Variants in PDE1C observed in about 807,000 individuals in gnomAD.
PDE1C encodes the protein dual specificity calcium/calmodulin-dependent 3',5'-cyclic nucleotide phosphodiesterase 1C.
In PDE1C, 62 loss-of-function variants were observed where a neutral mutation model predicts 93.1. The ratio of observed to expected loss-of-function variants is 0.67; its 90% CI spans 0.54 to 0.82. The LOEUF (loss-of-function observed/expected upper bound fraction) is 0.82, where lower values mean the gene tolerates loss of function less well. Among genes scored for constraint, PDE1C ranks in the 40% least tolerant of loss-of-function variants. PDE1C has a pLI of 0.00. For missense variants in PDE1C, 742 were observed against 884.6 expected (o/e 0.84, Z 2.04); for synonymous variants, 325 against 310.1 (o/e 1.05, Z -0.50).
the PDE1C span, among the ~76,000 whole-genome samples, chr7:31,689,662 A>G: frequency 3.9e-5 from 6 of 152,154 alleles, no homozygotes; most frequent in Non-Finnish European, 7.3e-5. Context: ...AGATGGGGTC[A>G]TTATACTAAC....
chr7:32,309,906 CT>C (rs1813127311), intron 1 of PDE1C, among the ~76,000 whole-genome samples: 1 of 152,162 alleles, frequency 6.6e-6, no homozygotes, highest in African/African-American at 2.4e-5. Context: ...ACAATGTTAA[CT>C]TTAAATGTAA....
intron 9 of PDE1C, 27 bp downstream of exon 9, chr7:31,847,941 C>T (rs753947264): frequency 2.5e-6 from 4 of 1,611,002 alleles, no homozygotes; most frequent in Non-Finnish European, 3.4e-6. Context: ...CCCTGGCCTA[C>T]AAATCTCTCT....
At chr7:31,790,228 T>C (rs933795938) in intron 16 of PDE1C, 2 of 1,612,722 alleles carry the variant, frequency 1.2e-6, no homozygotes, top group South Asian at 1.1e-5. Context: ...GCCTCTTTTA[T>C]TGTCTATGAG....
chr7:31,915,339 C>G (rs949599648), intron 2 of PDE1C, among the ~76,000 whole-genome samples: 33 of 152,164 alleles, frequency 2.2e-4, no homozygotes, highest in Non-Finnish European at 7.4e-5. Flanking sequence ...CAAGGCTCAG[C>G]TTATGCATCA....
rs2128940264 is a variant in PDE1C, at chr7:31,912,233, T to C, written c.129-31373A>G. 1.3e-5 allele frequency among the ~76,000 whole-genome samples: 2 copies of C among 152,296 alleles called. 1 individual carries two copies. The highest frequency in any genetic ancestry group is 4.1e-4 in the South Asian group (2 of 4,830). On this transcript the variant is annotated intron_variant, in intron 2 of 17. Transcript: ENST00000396191. ...ATTCTACTTCAAATCAAGTTAACCT[T>C]ACAATCTCACAGTTTTATTGTCATA...
At chr7:31,938,379 G>A (rs1240695932) in intron 2 of PDE1C, among the ~76,000 whole-genome samples, 1 of 127,288 alleles carries the variant, frequency 7.9e-6, no homozygotes, top group Non-Finnish European at 1.6e-5. Flanking sequence ...CTTTTATCTT[G>A]TAAAGTATCT....
chr7:31,773,320 G>C (rs1795622360), intron 17 of PDE1C, among the ~76,000 whole-genome samples: 1 of 152,096 alleles, frequency 6.6e-6, no homozygotes, highest in South Asian at 2.1e-4. Flanking sequence ...CAAGGTAGCT[G>C]TGATTCTGAG....
At chr7:32,037,752 T>C (rs919733127) in intron 2 of PDE1C, among the ~76,000 whole-genome samples, 1 of 152,184 alleles carries the variant, frequency 6.6e-6, no homozygotes, top group Admixed American at 6.5e-5. Context: ...ATTAGCTCCT[T>C]GAGGGCAGAA....
chr7:32,230,972 C>A (rs1432340347), intron 1 of PDE1C, among the ~76,000 whole-genome samples: 7 of 152,110 alleles, frequency 4.6e-5, no homozygotes, highest in Non-Finnish European at 1.0e-4. Context: ...ACCAGCTTAC[C>A]ACCCCACAGG....
chr7:31,625,819 CT>C, the PDE1C span, among the ~76,000 whole-genome samples: 21 of 149,900 alleles, frequency 1.4e-4, 1 homozygote, highest in African/African-American at 2.5e-4. Context: ...CTTAGAATGT[CT>C]TTTTTTTTAA....
At position 32,137,812 on chromosome 7, in the gene PDE1C, C is replaced by T. The variant is rs1008942222; in HGVS notation, c.308+31973G>A. 1.1e-4 allele frequency among the ~76,000 whole-genome samples: 16 copies of T among 152,254 alleles called. 5 individuals carry two copies. The highest frequency in any genetic ancestry group is 6.5e-5 in the Admixed American group (1 of 15,298). On this transcript the variant is annotated intron_variant, in intron 3 of 18. Coordinates refer to the PDE1C transcript ENST00000396193. The stretch of plus-strand genomic sequence containing the variant: ...ATTCCCCATCCCCTCCTCCTTCCCT[C>T]CAATTCTCTTTGACATCATCCCAGT...
At position 32,262,030 on chromosome 7, in the gene PDE1C, TTA is replaced by T. The variant is rs1491222607; in HGVS notation, c.85+36619_85+36620del. Reference sequence around the variant, plus strand: ...ATTTTTTTTTTTTTTTTTTTTTTTTTTAATGTGACATCTAGTGGCTGGTGAAA... The same window carrying T: ...ATTTTTTTTTTTTTTTTTTTTTTTTTATGTGACATCTAGTGGCTGGTGAAA... On this transcript the variant is annotated intron_variant, in intron 1 of 18. Coordinates refer to the PDE1C transcript ENST00000396193. 8.3e-4 allele frequency among the ~76,000 whole-genome samples: 119 copies of T among 144,128 alleles called. 1 individual carries two copies. The highest frequency in any genetic ancestry group is 2.9e-3 in the African/African-American group (112 of 38,634). The allele number at this position is 144,128 out of a possible 152,430, so 94.6% of individuals were successfully genotyped here. A position where few individuals can be genotyped will look rare whatever the true frequency, so the allele number is the denominator to read the frequency against.
intron 1 of PDE1C, among the ~76,000 whole-genome samples, chr7:32,261,987 A>G (rs1810236497): frequency 6.8e-6 from 1 of 146,622 alleles, no homozygotes. Context: ...GATGGCTCAC[A>G]CCAGGGGTTG....
chr7:31,679,927 C>T, the PDE1C span, among the ~76,000 whole-genome samples: 2 of 152,162 alleles, frequency 1.3e-5, no homozygotes, highest in African/African-American at 2.4e-5. Context: ...ATTCTAATAG[C>T]TTAGCTGGAA....
intron 1 of PDE1C, among the ~76,000 whole-genome samples, chr7:32,287,580 T>C (rs1468843575): frequency 6.6e-6 from 1 of 152,226 alleles, no homozygotes; most frequent in Non-Finnish European, 1.5e-5. Flanking sequence ...TCCTAGTGCC[T>C]AACACAATCG....
chr7:32,268,307 G>T (rs1810747994), intron 1 of PDE1C, among the ~76,000 whole-genome samples: 1 of 152,188 alleles, frequency 6.6e-6, no homozygotes, highest in Non-Finnish European at 1.5e-5. Context: ...TAACTGCTGT[G>T]TTGGCCCCAT....
chr7:31,743,527 T>G, the PDE1C span, among the ~76,000 whole-genome samples: 1 of 151,410 alleles, frequency 6.6e-6, no homozygotes, highest in Non-Finnish European at 1.5e-5. Context: ...TAAAACCACA[T>G]CAGCATTGAG....
intron 3 of PDE1C, among the ~76,000 whole-genome samples, chr7:32,134,118 A>C (rs1204131900): frequency 2.6e-5 from 4 of 152,068 alleles, no homozygotes; most frequent in Admixed American, 6.5e-5. Context: ...ACAGAGGGGA[A>C]AAATGTTGAA....
chr7:32,196,555 A>AT (rs1804636888), intron 2 of PDE1C, among the ~76,000 whole-genome samples: 1 of 152,022 alleles, frequency 6.6e-6, no homozygotes, highest in Non-Finnish European at 1.5e-5. Flanking sequence ...TCTTTTGTTT[A>AT]TTTTGTATAT....
Sources: gnomAD v4.1 joint callset for allele counts (sites outside exome capture counted in the v4.1 genomes callset) on GRCh38, gnomAD v4.1.1 for gene constraint, MANE v1.5 for transcripts, NCBI Gene and HGNC (gene_info 2026-07-23, HGNC 2026-07-21) for gene names.